REEP5: variants seen among roughly 807,000 people sequenced by gnomAD.
REEP5 encodes receptor expression-enhancing protein 5.
REEP5 carries 24 observed loss-of-function variants against 22.4 expected under a neutral mutation model. The observed-to-expected ratio is 1.07, with a 90% CI of 0.78 to 1.51. REEP5 has a LOEUF of 1.51. REEP5 is among the 40% of genes most tolerant of loss of function. REEP5 has a pLI of 0.00. For synonymous variants in REEP5, 103 were observed against 88.6 expected, an observed-to-expected ratio of 1.16 and a Z score of -0.92; for missense variants, 252 against 233.0, an observed-to-expected ratio of 1.08 and a Z score of -0.53.
At chr5:112,892,588 T>C (rs1768512784) in intron 3 of REEP5, 2 of 1,614,192 alleles carry the variant, frequency 1.2e-6, no homozygotes, top group Non-Finnish European at 1.7e-6. Flanking sequence ...AATGGCGATT[T>C]GTGGTTTATT....
Position 112,887,121 on chromosome 5 carries a change from C to G in REEP5, c.414G>C (p.Lys138Asn). ...TCAGGAAGAAAGGACGGATGATGCGCTTGTAGAGCAGTTCAGCCCCATTAG... is the reference window on the plus strand; with the variant it reads ...TCAGGAAGAAAGGACGGATGATGCGGTTGTAGAGCAGTTCAGCCCCATTAG... ...SPSNGAELLY[K>N]RIIRPFFLKH... The change falls in exon 4 of 5, where the codon AAG becomes AAC. Residue 138 changes from lysine (K) to asparagine (N), a missense_variant. Transcript: ENST00000379638. The G allele has an allele frequency of 6.2e-7, 1 of 1,613,528 alleles. No individual in the cohort carries two copies. The highest frequency in any genetic ancestry group is 8.5e-7 in the Non-Finnish European group (1 of 1,179,906).
At chr5:112,896,317 A>G (rs1210541767) in intron 3 of REEP5, 1 of 152,458 alleles carries the variant, frequency 6.6e-6, no homozygotes, top group East Asian at 1.9e-4. Flanking sequence ...TGAGGTCAGG[A>G]GTTTGAGACC....
In REEP5 at chr5:112,878,837, T is replaced by A; in HGVS notation, c.521-2A>T. Reference sequence around the variant, plus strand: ...GTAAATTCACGGTAGCTTTCTTCGCTGTTTGTTTGTTAGGAGGGAAAGAAA... The same window carrying A: ...GTAAATTCACGGTAGCTTTCTTCGCAGTTTGTTTGTTAGGAGGGAAAGAAA... On this transcript the variant is annotated splice_acceptor_variant, in intron 4 of 4. Transcript: ENST00000379638. LOFTEE classifies it high-confidence loss of function. 1 of 1,614,010 alleles carries A rather than the reference T, an allele frequency of 6.2e-7. No individual in the cohort carries two copies. Among genetic ancestry groups the A allele is most frequent in the South Asian group, 1.1e-5 (1 of 91,046 alleles).
chr5:112,910,304 A>T (rs537902623), intron 2 of REEP5, among the ~76,000 whole-genome samples: 1 of 152,272 alleles, frequency 6.6e-6, no homozygotes, highest in East Asian at 1.9e-4. Flanking sequence ...TCCATCTCAA[A>T]AAAAAACAAA....
At chr5:112,918,805 T>C (rs1561661418) in intron 2 of REEP5, among the ~76,000 whole-genome samples, 1 of 152,166 alleles carries the variant, frequency 6.6e-6, no homozygotes, top group Admixed American at 6.5e-5. Context: ...AGCTAAGCTG[T>C]GTGCTGCCTC....
Position 112,876,869 on chromosome 5 carries a change from C to CTAAT in REEP5, c.*1913_*1916dup. ...CAGAATTTAATATAGTATTTTAAAA[C>CTAAT]TAATTTTAGCCTGTAAGTCATTATG... On this transcript the variant is annotated 3_prime_UTR_variant, in exon 5 of 5. Transcript: ENST00000379638. 6.6e-6 allele frequency: 1 copy of CTAAT among 152,034 alleles called. No homozygotes were observed. Among genetic ancestry groups the CTAAT allele is most frequent in the East Asian group, 1.9e-4 (1 of 5,198 alleles). The allele number at this position is 152,034 out of a possible 1,614,324, so 9.4% of individuals were successfully genotyped here.
chr5:112,881,721 T>G (rs1768080860), intron 4 of REEP5, among the ~76,000 whole-genome samples: 1 of 152,170 alleles, frequency 6.6e-6, no homozygotes, highest in Admixed American at 6.6e-5. Context: ...CCTTAGTTCT[T>G]GAAGATTTTA....
chr5:112,879,639 A>T (rs1253649276), intron 4 of REEP5, among the ~76,000 whole-genome samples: 5 of 151,762 alleles, frequency 3.3e-5, no homozygotes, highest in Non-Finnish European at 7.4e-5. Context: ...ACGCCCAGCT[A>T]ATTTTTTTTT....
Position 112,877,040 on chromosome 5 carries a change from T to C in REEP5, c.*1746A>G, listed in dbSNP as rs1767916149. On this transcript the variant is annotated 3_prime_UTR_variant, in exon 5 of 5. Coordinates refer to ENST00000379638, the MANE Select transcript of REEP5 (RefSeq NM_005669.5). ...GTACTTTTATTTATGGGAAAAGGAT[T>C]TAAATACTCCTAGATACTTAAAATT... The C allele has an allele frequency of 6.6e-6, 1 of 152,140 alleles. No individual in the cohort carries two copies. The highest frequency in any genetic ancestry group is 2.4e-5 in the African/African-American group (1 of 41,424). The allele number at this position is 152,140 out of a possible 1,614,324, so 9.4% of individuals were successfully genotyped here.
At position 112,922,206 on chromosome 5, in the gene REEP5, G is replaced by A. The variant is rs1370415443; in HGVS notation, c.-16C>T. ...CCGCAGACATGGCGGGGACCGTCTC[G>A]CCGCTCGGGGCTGTTCCTAGTGCCG... is the stretch of plus-strand genomic sequence containing the variant. On this transcript the variant is annotated 5_prime_UTR_variant, in exon 1 of 5. Coordinates refer to ENST00000379638, the MANE Select transcript of REEP5 (RefSeq NM_005669.5). The A allele has an allele frequency of 1.2e-6, 2 of 1,600,774 alleles. No homozygotes were observed. The highest frequency in any genetic ancestry group is 1.7e-6 in the Non-Finnish European group (2 of 1,173,952).
At position 112,878,736 on chromosome 5, in the gene REEP5, G is replaced by C. The variant is rs374228351; in HGVS notation, c.*50C>G. ...ACCACAGTCCCTAATATAACATCAA[G>C]CTCCAGTAGGAAGGTACAGAGAGGG... On this transcript the variant is annotated 3_prime_UTR_variant, in exon 5 of 5. Coordinates refer to ENST00000379638, the MANE Select transcript of REEP5 (RefSeq NM_005669.5). The C allele has an allele frequency of 6.2e-6, 10 of 1,606,688 alleles. No homozygotes were observed. The highest frequency in any genetic ancestry group is 8.5e-6 in the Non-Finnish European group (10 of 1,177,812).
At chr5:112,921,632 C>G (rs1335009317) in intron 1 of REEP5, 2 of 296,134 alleles carry the variant, frequency 6.8e-6, no homozygotes, top group Non-Finnish European at 1.3e-5. Flanking sequence ...GCCCGGACTC[C>G]CGCACACGCT....
chr5:112,906,976 G>A (rs1561657292), intron 2 of REEP5, among the ~76,000 whole-genome samples: 1 of 152,160 alleles, frequency 6.6e-6, no homozygotes. Flanking sequence ...ACTGAATAAT[G>A]TCTCTACTAA....
At chr5:112,891,961 CAA>C (rs767945021) in intron 3 of REEP5, 14 of 1,243,606 alleles carry the variant, frequency 1.1e-5, no homozygotes, top group East Asian at 2.3e-5. Flanking sequence ...GCTAGAAGAA[CAA>C]GAGAGAAAGT....
At chr5:112,888,370 A>G (rs1244934588) in intron 3 of REEP5, among the ~76,000 whole-genome samples, 4 of 152,224 alleles carry the variant, frequency 2.6e-5, no homozygotes, top group Non-Finnish European at 4.4e-5. Context: ...TTTATACTAG[A>G]CTTTGAACTT....
At chr5:112,878,899 CA>C (rs1767979885) in intron 4 of REEP5, 64 bp from the exon 5 acceptor site, 1 of 1,611,854 alleles carries the variant, frequency 6.2e-7, no homozygotes, top group Non-Finnish European at 8.5e-7. Flanking sequence ...TGCAAGCTTG[CA>C]AGCTTTGTGC....
chr5:112,920,762 T>G (rs892560388), intron 2 of REEP5, among the ~76,000 whole-genome samples: 2 of 152,290 alleles, frequency 1.3e-5, no homozygotes, highest in African/African-American at 4.8e-5. Context: ...AAGACCTAAT[T>G]GATAGGGTTT....
intron 3 of REEP5, chr5:112,891,734 A>T: frequency 1.2e-6 from 2 of 1,614,166 alleles, no homozygotes. Context: ...AAGAAGGAGA[A>T]ACGAAAGAAA....
At chr5:112,894,133 T>G (rs574120688) in intron 3 of REEP5, 2 of 150,972 alleles carry the variant, frequency 1.3e-5, no homozygotes, top group Admixed American at 6.6e-5. Context: ...TGTTTTTTTT[T>G]TTTTTTTGAG....
Sources: gnomAD v4.1 joint callset for allele counts (sites outside exome capture counted in the v4.1 genomes callset) on GRCh38, gnomAD v4.1.1 for gene constraint, MANE v1.5 for transcripts, NCBI Gene and HGNC (gene_info 2026-07-23, HGNC 2026-07-21) for gene names.